RNF17: variants seen among roughly 807,000 people sequenced by gnomAD.
RNF17 encodes the protein ring finger protein 17.
RNF17 carries 31 observed loss-of-function variants against 200.5 expected under a neutral mutation model. That is an observed-to-expected ratio of 0.15 (90% CI 0.12 to 0.21). The LOEUF is 0.21. Among genes scored for constraint, RNF17 ranks in the 10% least tolerant of loss-of-function variants. The pLI, the probability that RNF17 is intolerant of heterozygous loss-of-function variation, is 1.00. For missense variants in RNF17, 1,628 were observed against 1,905.1 expected, an observed-to-expected ratio of 0.85 and a Z score of 2.71; for synonymous variants, 606 against 637.8, an observed-to-expected ratio of 0.95 and a Z score of 0.75.
intron 18 of RNF17, among the ~76,000 whole-genome samples, chr13:24,838,687 A>G (rs1473199119): frequency 6.6e-6 from 1 of 152,208 alleles, no homozygotes; most frequent in Non-Finnish European, 1.5e-5. Flanking sequence ...AATAAAAGCC[A>G]TCTATGACAA....
At chr13:24,765,091 C>T (rs1879453603) in intron 1 of RNF17, among the ~76,000 whole-genome samples, 1 of 152,178 alleles carries the variant, frequency 6.6e-6, no homozygotes, top group Admixed American at 6.5e-5. Flanking sequence ...TCTCGGCTCA[C>T]TGCAAGCTCC....
chr13:24,859,481 G>A (rs889413200), intron 26 of RNF17, among the ~76,000 whole-genome samples: 4 of 151,984 alleles, frequency 2.6e-5, no homozygotes, highest in Non-Finnish European at 4.4e-5. Flanking sequence ...TAAATATCTC[G>A]CTAGCAAATT....
intron 14 of RNF17, 129 bp downstream of exon 14, chr13:24,802,700 T>C (rs1885396520): frequency 3.0e-6 from 2 of 656,976 alleles, no homozygotes; most frequent in African/African-American, 1.8e-5. Flanking sequence ...AAAATATTGC[T>C]CTTAGACTTT....
At chr13:24,751,218 A>C in the RNF17 span, 1 of 151,804 alleles carries the variant, frequency 6.6e-6, no homozygotes, top group Non-Finnish European at 1.5e-5. Context: ...GCTGATGGTA[A>C]GTTTTCGCAC....
intron 3 of RNF17, 54 bp from the exon 4 acceptor site, chr13:24,778,241 G>A: frequency 1.6e-6 from 2 of 1,236,814 alleles, no homozygotes; most frequent in Non-Finnish European, 2.4e-6. Context: ...TGGCCTGGGT[G>A]ACAGAGAAAG....
chr13:24,749,307 C>CTTTTTTTTTTTTTTTTTTTTTTTT, the RNF17 span, among the ~76,000 whole-genome samples: 6 of 108,032 alleles, frequency 5.6e-5, no homozygotes, highest in African/African-American at 6.9e-5. Flanking sequence ...TTCTTTCTTT[C>CTTTTTTTTTTTTTTTTTTTTTTTT]TTTTTTTTTT....
At chr13:24,752,269 C>A in the RNF17 span, 199 of 173,440 alleles carry the variant, frequency 1.1e-3, no homozygotes, top group African/African-American at 4.5e-3. Flanking sequence ...GTGGCATTTT[C>A]AGTTCACCAG....
intron 9 of RNF17, 35 bp from the exon 10 acceptor site, chr13:24,793,007 G>A: frequency 7.3e-7 from 1 of 1,360,594 alleles, no homozygotes; most frequent in Non-Finnish European, 1.0e-6. Flanking sequence ...ATATACCTCT[G>A]TATTCATAGC....
At chr13:24,798,463 G>C (rs1347205846) in intron 11 of RNF17, among the ~76,000 whole-genome samples, 1 of 152,046 alleles carries the variant, frequency 6.6e-6, no homozygotes, top group African/African-American at 2.4e-5. Context: ...CAACTATCCT[G>C]TTGTTATTAG....
At chr13:24,855,975 C>T (rs1382163378) in intron 25 of RNF17, among the ~76,000 whole-genome samples, 1 of 151,666 alleles carries the variant, frequency 6.6e-6, no homozygotes, top group African/African-American at 2.4e-5. Flanking sequence ...ATATCCTGAA[C>T]ACTTATCCCT....
the RNF17 span, among the ~76,000 whole-genome samples, chr13:24,752,994 T>C: frequency 3.9e-5 from 6 of 152,268 alleles, no homozygotes; most frequent in Non-Finnish European, 7.4e-5. Context: ...ACTGCCCAGA[T>C]ATATTCTTCT....
At chr13:24,851,626 C>T (rs376338439) in intron 24 of RNF17, 55 bp downstream of exon 24, 47 of 1,020,868 alleles carry the variant, frequency 4.6e-5, no homozygotes, top group African/African-American at 4.2e-4. Flanking sequence ...GCCTCAGTTG[C>T]GTGTGCAAAT....
chr13:24,799,340 T>C (rs1344927187), intron 11 of RNF17, 55 bp from the exon 12 acceptor site: 7 of 1,359,148 alleles, frequency 5.2e-6, no homozygotes, highest in South Asian at 2.5e-5. Context: ...TGTAAACTTA[T>C]GAAGTGGCTT....
downstream of RNF17, among the ~76,000 whole-genome samples, chr13:24,881,634 A>C (rs1953821145): frequency 1.3e-5 from 2 of 151,072 alleles, no homozygotes; most frequent in Non-Finnish European, 3.0e-5. Flanking sequence ...TAATCTAGAG[A>C]TATATCTAGA....
At chr13:24,813,563 T>C (rs1887014903) in intron 15 of RNF17, among the ~76,000 whole-genome samples, 1 of 152,182 alleles carries the variant, frequency 6.6e-6, no homozygotes, top group Admixed American at 6.6e-5. Context: ...ACAAATGCAG[T>C]TGATCGTTGA....
At chr13:24,796,920 A>G (rs1401294220) in intron 11 of RNF17, among the ~76,000 whole-genome samples, 1 of 152,210 alleles carries the variant, frequency 6.6e-6, no homozygotes. Context: ...ATACCTATAT[A>G]TAACTAATAC....
chr13:24,778,792 GAA>G (rs1255154030), intron 4 of RNF17, among the ~76,000 whole-genome samples: 1 of 152,200 alleles, frequency 6.6e-6, no homozygotes, highest in East Asian at 1.9e-4. Context: ...TGTTATTGCT[GAA>G]GATAGAGTTT....
intron 2 of RNF17, among the ~76,000 whole-genome samples, chr13:24,768,602 G>T (rs1880148811): frequency 6.6e-6 from 1 of 151,930 alleles, no homozygotes; most frequent in Admixed American, 6.6e-5. Flanking sequence ...AATTCTTGAT[G>T]TTTTACTGGA....
At chr13:24,819,332 A>T (rs1036243827) in intron 15 of RNF17, among the ~76,000 whole-genome samples, 15 of 152,182 alleles carry the variant, frequency 9.9e-5, no homozygotes, top group Non-Finnish European at 1.8e-4. Flanking sequence ...TGTCCTAAAG[A>T]TTCATCCATG....
Sources: gnomAD v4.1 joint callset for allele counts (sites outside exome capture counted in the v4.1 genomes callset) on GRCh38, gnomAD v4.1.1 for gene constraint, MANE v1.5 for transcripts, NCBI Gene and HGNC (gene_info 2026-07-23, HGNC 2026-07-21) for gene names.